PSD: variants seen among roughly 807,000 people sequenced by gnomAD.
PSD encodes the protein pleckstrin and Sec7 domain containing, also known as PH and SEC7 domain-containing protein 1.
Under a neutral mutation model 91.6 loss-of-function variants are expected in PSD, and 32 were observed. That is an observed-to-expected ratio of 0.35 (90% CI 0.26 to 0.47). The LOEUF is 0.47. PSD is among the 20% of genes least tolerant of loss of function. The pLI is 1.00. For synonymous variants in PSD, 532 were observed against 569.3 expected (o/e 0.93, Z 0.93); for missense variants, 1,099 against 1,373.9 (o/e 0.80, Z 3.16).
At position 102,412,143 on chromosome 10, in the gene PSD, C is replaced by T; in HGVS notation, c.1829+4G>A. ...GGGCTGTCCTCCAAGGGGTCAACAC[C>T]CACCTGAGAGCTTGGTCCAGAGTCA... On this transcript the variant is annotated splice_donor_region_variant and intron_variant, in intron 7 of 16. Transcript: ENST00000020673. 2 of 1,613,918 alleles carry T rather than the reference C, an allele frequency of 1.2e-6. No individual in the cohort carries two copies. Among genetic ancestry groups the T allele is most frequent in the Non-Finnish European group, 1.7e-6 (2 of 1,179,856 alleles).
chr10:102,417,446 A>C (rs938147832), intron 1 of PSD, among the ~76,000 whole-genome samples: 1 of 151,854 alleles, frequency 6.6e-6, no homozygotes, highest in Non-Finnish European at 1.5e-5. Context: ...AGAATAGGGG[A>C]AGTTGGTACC....
rs913278303 is a variant in PSD at position 102,410,460 on chromosome 10, C to T, written c.2091+398G>A. Among the ~76,000 whole-genome samples, 1 of 152,212 alleles carries T rather than the reference C, an allele frequency of 6.6e-6. No individual in the cohort carries two copies. The highest frequency in any genetic ancestry group is 2.4e-5 in the African/African-American group (1 of 41,452). ...CCGGGAAGGTCTTTTTGGCTGTCCA[C>T]GCGGCGGGGGAGCAGTGTGGAGTGT... On this transcript the variant is annotated intron_variant, in intron 10 of 16. Coordinates refer to ENST00000020673, the MANE Select transcript of PSD (RefSeq NM_002779.5). The surrounding 1 kb of genome is among the most constrained non-coding windows in gnomAD (Gnocchi z 6.0).
intron 3 of PSD, 122 bp downstream of exon 3, chr10:102,415,895 T>C (rs934442220): frequency 3.4e-5 from 23 of 684,492 alleles, no homozygotes; most frequent in Middle Eastern, 3.8e-4. Flanking sequence ...TGGGGAGACA[T>C]TGGCTGACTC....
At position 102,412,529 on chromosome 10, in the gene PSD, C is replaced by A. The variant is rs757681929; in HGVS notation, c.1600G>T (p.Asp534Tyr). Residue 534 changes from aspartate (D) to tyrosine (Y), a missense_variant, in exon 6 of 17, where the codon GAC becomes TAC. By Grantham distance (160) the Asp-to-Tyr change is radical. Around this residue, in one of 3 missense-constraint regions of PSD, gnomAD observed 631 missense variants for 728.8 expected, o/e 0.87. Transcript: ENST00000020673. ...CCCAGGGCCAGCCGCTCTGTGCTGT[C>A]CAGCTCTGAGTCTGAGTCGGACACC... The part of the protein sequence containing the change: ...QLVSDSDSEL[D>Y]STERLALGST... 6.2e-7 allele frequency: 1 copy of A among 1,613,910 alleles called. No homozygotes were observed. The highest frequency in any genetic ancestry group is 8.5e-7 in the Non-Finnish European group (1 of 1,179,958).
At chr10:102,415,894 A>G (rs912277277) in intron 3 of PSD, 123 bp downstream of exon 3, 1 of 684,114 alleles carries the variant, frequency 1.5e-6, no homozygotes, top group Non-Finnish European at 2.5e-6. Flanking sequence ...CTGGGGAGAC[A>G]TTGGCTGACT....
Position 102,410,847 on chromosome 10 carries a change from C to T in PSD, c.2091+11G>A, listed in dbSNP as rs2061418039. ...CCCCTCCAGCGACTTCTACCCTGCC[C>T]CGCCCCCCACCTTGAGCAGCTCCCT... On this transcript the variant is annotated intron_variant, in intron 10 of 16. Coordinates refer to ENST00000020673, the MANE Select transcript of PSD (RefSeq NM_002779.5). This position sits in a 1 kb window ranked among gnomAD's most constrained non-coding sequence, Gnocchi z 6.0. The T allele has an allele frequency of 6.2e-7, 1 of 1,609,112 alleles. No homozygotes were observed. Among genetic ancestry groups the T allele is most frequent in the African/African-American group, 1.3e-5 (1 of 74,930 alleles).
At chr10:102,407,298 G>T in intron 10 of PSD, 32 bp from the exon 11 acceptor site, 1 of 1,486,090 alleles carries the variant, frequency 6.7e-7, no homozygotes, top group Non-Finnish European at 9.2e-7. Flanking sequence ...TTAGGGGGTT[G>T]TGGGTCAGTA....
At chr10:102,418,322 C>G (rs2061510032) in intron 1 of PSD, among the ~76,000 whole-genome samples, 1 of 152,136 alleles carries the variant, frequency 6.6e-6, no homozygotes, top group African/African-American at 2.4e-5. Flanking sequence ...TATACACAAG[C>G]TGTCATTCTC....
rs560758588 is a variant in PSD at position 102,407,049 on chromosome 10, C to T, written c.2135+174G>A. The stretch of plus-strand genomic sequence containing the variant: ...CCAGCTAGAGACAAGATACAGAACC[C>T]CAAATCCAGGCAGACATCTCCAAAG... On this transcript the variant is annotated intron_variant, in intron 11 of 16. Transcript: ENST00000020673. Among the ~76,000 whole-genome samples, 8 of 152,236 alleles carry T rather than the reference C, an allele frequency of 5.3e-5. No homozygotes were observed. The East Asian group carries it at 1.5e-3, about 29-fold the overall frequency.
At chr10:102,407,295 G>T in intron 10 of PSD, 29 bp from the exon 11 acceptor site, 1 of 1,507,922 alleles carries the variant, frequency 6.6e-7, no homozygotes, top group Non-Finnish European at 9.0e-7. Flanking sequence ...AAATTAGGGG[G>T]TTGTGGGTCA....
chr10:102,418,158 GCACA>G (rs920755696), intron 1 of PSD, among the ~76,000 whole-genome samples: 3 of 148,982 alleles, frequency 2.0e-5, no homozygotes, highest in East Asian at 2.0e-4. Context: ...ACACCCTCTG[GCACA>G]CACACAGACA....
At position 102,409,353 on chromosome 10, in the gene PSD, T is replaced by C; in HGVS notation, c.2091+1505A>G. 5 of 985,072 alleles carry C rather than the reference T, an allele frequency of 5.1e-6. No individual in the cohort carries two copies. The highest frequency in any genetic ancestry group is 1.1e-4 in the East Asian group (1 of 8,786). 61.0% of individuals were successfully genotyped at this position (985,072 alleles called of 1,614,324 possible). On this transcript the variant is annotated intron_variant, in intron 10 of 16. Transcript: ENST00000020673. This position sits in a 1 kb window ranked among gnomAD's most constrained non-coding sequence, Gnocchi z 5.7. Reference sequence around the variant, plus strand: ...GGCTGGGGGCGGGGACCGCATGAAATGGAGGCGCCCGATCGCGAAGGGGGC... The same window carrying C: ...GGCTGGGGGCGGGGACCGCATGAAACGGAGGCGCCCGATCGCGAAGGGGGC...
Position 102,412,188 on chromosome 10 carries a change from C to T in PSD, c.1788G>A (p.Lys596=). 6.2e-7 allele frequency: 1 copy of T among 1,614,190 alleles called. No individual in the cohort carries two copies. The highest frequency in any genetic ancestry group is 8.5e-7 in the Non-Finnish European group (1 of 1,180,034). Residue 596 remains lysine (K), a synonymous_variant, in exon 7 of 17, where the codon AAG becomes AAA. Transcript: ENST00000020673. ...FSKLVAGEYL[K]FFVFTGMTLD... ...GAGTCATGCCCGTGAAGACAAAGAA[C>T]TTGAGGTACTCCCCAGCCACCAGTT...
rs189716586 is a variant in PSD, at chr10:102,405,061, G to A, written c.2398-6C>T. ...TTCCCAGGCTTGTACTCCTCCTGCAGGGGTGTCCATCTTGTCCTGGCCCCA... is the reference window on the plus strand; with the variant it reads ...TTCCCAGGCTTGTACTCCTCCTGCAAGGGTGTCCATCTTGTCCTGGCCCCA... On this transcript the variant is annotated splice_polypyrimidine_tract_variant and splice_region_variant and intron_variant, in intron 13 of 16. Coordinates refer to ENST00000020673, the MANE Select transcript of PSD (RefSeq NM_002779.5). This position sits in a 1 kb window ranked among gnomAD's most constrained non-coding sequence, Gnocchi z 5.4. 4.5e-4 allele frequency: 731 copies of A among 1,613,722 alleles called. 3 individuals carry two copies. The highest frequency in any genetic ancestry group is 2.3e-4 in the Non-Finnish European group (266 of 1,179,790).
chr10:102,414,787 C>T lies in PSD; in HGVS notation c.1124+76G>A, dbSNP rs1263330761. 5.5e-5 allele frequency: 80 copies of T among 1,466,624 alleles called. No individual in the cohort carries two copies. Among genetic ancestry groups the T allele is most frequent in the Non-Finnish European group, 6.9e-5 (77 of 1,111,834 alleles). 90.9% of individuals were successfully genotyped at this position (1,466,624 alleles called of 1,614,324 possible). Reference sequence around the variant, plus strand: ...ATCTCTATCCCAGGCCCTTTGAGCCCGGCTCTGCCTGTGGGCCAGTGCGAA... The same window carrying T: ...ATCTCTATCCCAGGCCCTTTGAGCCTGGCTCTGCCTGTGGGCCAGTGCGAA... On this transcript the variant is annotated intron_variant, in intron 4 of 16. Coordinates refer to ENST00000020673, the MANE Select transcript of PSD (RefSeq NM_002779.5). This position sits in a 1 kb window ranked among gnomAD's most constrained non-coding sequence, Gnocchi z 5.6.
chr10:102,409,175 C>G lies in PSD; in HGVS notation c.2091+1683G>C, dbSNP rs1354215988. On this transcript the variant is annotated intron_variant, in intron 10 of 16. Coordinates refer to ENST00000020673, the MANE Select transcript of PSD (RefSeq NM_002779.5). The surrounding 1 kb of genome is among the most constrained non-coding windows in gnomAD (Gnocchi z 5.7). Reference sequence around the variant, plus strand: ...CGGGCCGCCCGGACGGCCCGCGGACCGCTCCCCCGACAGCCAGCGCGAGCG... The same window carrying G: ...CGGGCCGCCCGGACGGCCCGCGGACGGCTCCCCCGACAGCCAGCGCGAGCG... The G allele has an allele frequency of 6.1e-6, 6 of 980,852 alleles. No individual in the cohort carries two copies. The highest frequency in any genetic ancestry group is 7.2e-6 in the Non-Finnish European group (6 of 828,310). The allele number at this position is 980,852 out of a possible 1,614,324, so 60.8% of individuals were successfully genotyped here.
Position 102,403,071 on chromosome 10 carries a change from C to T in PSD, c.*129G>A. On this transcript the variant is annotated 3_prime_UTR_variant, in exon 17 of 17. Coordinates refer to ENST00000020673, the MANE Select transcript of PSD (RefSeq NM_002779.5). The surrounding 1 kb of genome is among the most constrained non-coding windows in gnomAD (Gnocchi z 6.7). Reference sequence around the variant, plus strand: ...GGCCCCAGCCCTGCCCTGCCCCGGACACCGCGTCCGGCGCGGTCGGGCCCT... The same window carrying T: ...GGCCCCAGCCCTGCCCTGCCCCGGATACCGCGTCCGGCGCGGTCGGGCCCT... 1.5e-6 allele frequency: 1 copy of T among 684,216 alleles called. No individual in the cohort carries two copies. The highest frequency in any genetic ancestry group is 2.2e-6 in the Non-Finnish European group (1 of 450,882). The allele number at this position is 684,216 out of a possible 1,614,324, so 42.4% of individuals were successfully genotyped here. A position where few individuals can be genotyped will look rare whatever the true frequency, so the allele number is the denominator to read the frequency against.
At chr10:102,408,107 G>A (rs1256897733) in intron 10 of PSD, among the ~76,000 whole-genome samples, 8 of 152,166 alleles carry the variant, frequency 5.3e-5, no homozygotes, top group African/African-American at 9.7e-5. Context: ...ATGGGTCCAC[G>A]CCAGCACCTC....
chr10:102,417,552 G>A (rs368800156), intron 1 of PSD, among the ~76,000 whole-genome samples: 353 of 152,214 alleles, frequency 2.3e-3, no homozygotes, highest in Admixed American at 6.9e-3. Flanking sequence ...CTCAGGGAAG[G>A]GAAACTCAGG....
Sources: allele counts gnomAD v4.1 joint callset (sites outside exome capture counted in the v4.1 genomes callset), GRCh38; gene constraint gnomAD v4.1.1; regional missense constraint gnomAD v4.1.1; non-coding constraint Gnocchi (gnomAD v3.1); transcripts MANE v1.5; gene names NCBI Gene and HGNC (gene_info 2026-07-23, HGNC 2026-07-21).